The following DNAAF11 variants were observed in gnomAD, a reference collection of about 807,000 sequenced individuals.
DNAAF11 encodes the protein dynein axonemal assembly factor 11.
DNAAF11 carries 45 observed loss-of-function variants against 60.8 expected under a neutral mutation model. The observed-to-expected ratio is 0.74, with a 90% CI of 0.58 to 0.95. DNAAF11 has a LOEUF of 0.95. Ranked by LOEUF, DNAAF11 falls within the 40% of genes least tolerant of loss-of-function variation. DNAAF11 has a pLI of 0.00. For synonymous variants in DNAAF11, 191 were observed against 183.5 expected (o/e 1.04, Z -0.33); for missense variants, 546 against 546.2 (o/e 1.00, Z 0.00).
At chr8:132,620,098 T>C (rs1819606080) in intron 7 of DNAAF11, among the ~76,000 whole-genome samples, 1 of 152,112 alleles carries the variant, frequency 6.6e-6, no homozygotes, top group Non-Finnish European at 1.5e-5. Flanking sequence ...AGTAGGAGAA[T>C]GGATGGCCCA....
intron 3 of DNAAF11, among the ~76,000 whole-genome samples, chr8:132,651,421 C>T (rs1184534277): frequency 6.6e-6 from 1 of 151,938 alleles, no homozygotes; most frequent in African/African-American, 2.4e-5. Flanking sequence ...TAAAATTAAA[C>T]AAAAGTACAT....
intron 7 of DNAAF11, among the ~76,000 whole-genome samples, chr8:132,616,449 A>C (rs1819165886): frequency 6.6e-6 from 1 of 152,126 alleles, no homozygotes; most frequent in South Asian, 2.1e-4. Context: ...TGGTGGGGTC[A>C]GTGAGATGTG....
intron 10 of DNAAF11, among the ~76,000 whole-genome samples, chr8:132,587,979 T>C (rs981788793): frequency 1.2e-4 from 18 of 152,128 alleles, no homozygotes; most frequent in African/African-American, 4.3e-4. Context: ...AGCACCTGCA[T>C]TGAGACGATC....
At chr8:132,671,335 C>T (rs1825171162) in intron 1 of DNAAF11, among the ~76,000 whole-genome samples, 1 of 152,116 alleles carries the variant, frequency 6.6e-6, no homozygotes, top group African/African-American at 2.4e-5. Flanking sequence ...AAAATATGTG[C>T]AAAGTCTGTC....
At chr8:132,683,088 T>C in the DNAAF11 span, among the ~76,000 whole-genome samples, 4 of 152,186 alleles carry the variant, frequency 2.6e-5, no homozygotes, top group African/African-American at 9.6e-5. Context: ...ATCCACATAA[T>C]AGCAGATGGA....
the DNAAF11 span, among the ~76,000 whole-genome samples, chr8:132,693,535 G>A: frequency 6.6e-6 from 1 of 151,866 alleles, no homozygotes; most frequent in African/African-American, 2.4e-5. Context: ...AGATACAGCA[G>A]TAAGACAACT....
At position 132,634,518 on chromosome 8, in the gene DNAAF11, G is replaced by A. The variant is rs1821103503; in HGVS notation, c.430-1555C>T. ...AATGCAATAAAACCTATTATTTAAG[G>A]CATTAAGTAATTGTGGTCCACATAC... On this transcript the variant is annotated intron_variant, in intron 4 of 11. Transcript: ENST00000620350. Among the ~76,000 whole-genome samples the A allele has an allele frequency of 2.6e-5, 4 of 151,808 alleles. No homozygotes were observed. In the South Asian group the frequency reaches 8.3e-4, roughly 32 times the overall value.
chr8:132,672,916 G>A (rs1825324512), intron 1 of DNAAF11, among the ~76,000 whole-genome samples: 1 of 152,138 alleles, frequency 6.6e-6, no homozygotes, highest in African/African-American at 2.4e-5. Context: ...TACACTAGAT[G>A]AACTCTCGAG....
At chr8:132,679,369 G>T (rs1825832275), upstream of DNAAF11, among the ~76,000 whole-genome samples, 1 of 152,144 alleles carries the variant, frequency 6.6e-6, no homozygotes. Flanking sequence ...GGCTGTCTTT[G>T]GTGTAAGGCC....
At chr8:132,673,031 T>C (rs757706260) in intron 1 of DNAAF11, among the ~76,000 whole-genome samples, 2 of 152,124 alleles carry the variant, frequency 1.3e-5, no homozygotes, top group Admixed American at 6.5e-5. Context: ...CAGGAGATGT[T>C]AGCAAGAGGC....
Position 132,570,726 on chromosome 8 carries a change from A to G in DNAAF11, c.*1580T>C, listed in dbSNP as rs1238251381. 1.3e-5 allele frequency among the ~76,000 whole-genome samples: 2 copies of G among 152,166 alleles called. No individual in the cohort carries two copies. The highest frequency in any genetic ancestry group is 2.9e-5 in the Non-Finnish European group (2 of 68,034). On this transcript the variant is annotated 3_prime_UTR_variant, in exon 12 of 12. Coordinates refer to ENST00000620350, the MANE Select transcript of DNAAF11 (RefSeq NM_012472.6). ...CCCAGCCTGCTGCAGCTGATCCTTG[A>G]TCTCCACCACTGTGTGTCCATCCCA... is the stretch of plus-strand genomic sequence containing the variant.
the DNAAF11 span, among the ~76,000 whole-genome samples, chr8:132,684,701 C>T: frequency 6.6e-6 from 1 of 152,230 alleles, no homozygotes; most frequent in African/African-American, 2.4e-5. Flanking sequence ...CAGTCTTTCT[C>T]TTTGGTCAAG....
the DNAAF11 span, among the ~76,000 whole-genome samples, chr8:132,681,270 G>A: frequency 1.1e-4 from 17 of 149,852 alleles, no homozygotes; most frequent in East Asian, 7.9e-4. Flanking sequence ...TTGGTCTCCC[G>A]AAGTGCTGGG....
chr8:132,681,371 A>T, the DNAAF11 span, among the ~76,000 whole-genome samples: 1 of 150,538 alleles, frequency 6.6e-6, no homozygotes, highest in Non-Finnish European at 1.5e-5. Context: ...TACCCTAAAA[A>T]GTGGGTACAA....
intron 4 of DNAAF11, 31 bp downstream of exon 4, chr8:132,637,904 T>C: frequency 6.4e-7 from 1 of 1,563,074 alleles, no homozygotes; most frequent in Non-Finnish European, 8.7e-7. Context: ...CTCATTTATC[T>C]GTGATTTCTG....
chr8:132,623,458 T>G (rs1484896780), intron 6 of DNAAF11, among the ~76,000 whole-genome samples: 1 of 151,866 alleles, frequency 6.6e-6, no homozygotes, highest in Non-Finnish European at 1.5e-5. Context: ...AACCCAAGCC[T>G]GTTAACACTC....
chr8:132,658,001 G>A (rs1823751675), intron 2 of DNAAF11, among the ~76,000 whole-genome samples: 1 of 152,142 alleles, frequency 6.6e-6, no homozygotes, highest in Admixed American at 6.5e-5. Flanking sequence ...ATGTGCACTG[G>A]GGGCAGCCTC....
intron 10 of DNAAF11, among the ~76,000 whole-genome samples, chr8:132,595,346 GGGAA>G (rs1691710474): frequency 1.2e-4 from 1 of 8,374 alleles, no homozygotes; most frequent in African/African-American, 6.5e-4. Context: ...AGAGACAGAG[GGGAA>G]AAAAAAAAAA....
At chr8:132,636,761 T>C (rs1406556204) in intron 4 of DNAAF11, among the ~76,000 whole-genome samples, 1 of 152,162 alleles carries the variant, frequency 6.6e-6, no homozygotes. Context: ...TAATGATCAG[T>C]TTAGGTTATG....
Sources: gnomAD v4.1 joint callset for allele counts (sites outside exome capture counted in the v4.1 genomes callset) on GRCh38, gnomAD v4.1.1 for gene constraint, MANE v1.5 for transcripts, NCBI Gene and HGNC (gene_info 2026-07-23, HGNC 2026-07-21) for gene names.